GPC5: variants seen among roughly 807,000 people sequenced by gnomAD.
The protein encoded by GPC5 is glypican-5.
In GPC5, 47 loss-of-function variants were observed where a neutral mutation model predicts 53.9. The ratio of observed to expected loss-of-function variants is 0.87; its 90% CI spans 0.69 to 1.11. The LOEUF is 1.11. Among genes scored for constraint, GPC5 ranks in the 50% most tolerant of loss-of-function variants. The probability of loss-of-function intolerance (pLI) is 0.00; values close to 1 mark genes in which losing one functional copy is unlikely to be tolerated. For missense variants in GPC5, 748 were observed against 713.1 expected, an observed-to-expected ratio of 1.05 and a Z score of -0.56; for synonymous variants, 286 against 263.3, an observed-to-expected ratio of 1.09 and a Z score of -0.84.
intron 2 of GPC5, among the ~76,000 whole-genome samples, chr13:91,665,979 CT>C (rs2035102734): frequency 6.6e-6 from 1 of 152,214 alleles, no homozygotes; most frequent in African/African-American, 2.4e-5. Context: ...TCTCTAATCT[CT>C]TTACCATCTC....
At chr13:91,593,820 T>C (rs1485457052) in intron 2 of GPC5, among the ~76,000 whole-genome samples, 1 of 151,908 alleles carries the variant, frequency 6.6e-6, no homozygotes, top group Non-Finnish European at 1.5e-5. Context: ...CCTATGAATA[T>C]CCCTCAATAA....
chr13:91,738,487 A>G (rs2036861233), intron 4 of GPC5, among the ~76,000 whole-genome samples: 2 of 151,252 alleles, frequency 1.3e-5, no homozygotes, highest in South Asian at 4.1e-4. Context: ...TCATTGGAAT[A>G]TTTAATCCTT....
intron 7 of GPC5, among the ~76,000 whole-genome samples, chr13:92,277,515 C>T (rs1159161391): frequency 4.6e-5 from 7 of 151,918 alleles, no homozygotes; most frequent in Non-Finnish European, 1.0e-4. Flanking sequence ...TACCCAAGTG[C>T]AGAAAACATC....
intron 2 of GPC5, among the ~76,000 whole-genome samples, chr13:91,589,325 C>T (rs373315904): frequency 8.6e-5 from 13 of 151,986 alleles, no homozygotes; most frequent in South Asian, 8.3e-4. Flanking sequence ...CCTTTTCTTC[C>T]GTACTTTTTT....
chr13:91,424,222 C>T (rs761103536), intron 1 of GPC5, among the ~76,000 whole-genome samples: 16 of 151,046 alleles, frequency 1.1e-4, no homozygotes, highest in Admixed American at 9.9e-4. Flanking sequence ...TGAGGATTTA[C>T]GGGATCCTGG....
chr13:92,505,674 T>C (rs1475319512), intron 7 of GPC5, among the ~76,000 whole-genome samples: 1 of 152,116 alleles, frequency 6.6e-6, no homozygotes, highest in African/African-American at 2.4e-5. Flanking sequence ...ATAGCAGTTC[T>C]CTTCATAATT....
intron 7 of GPC5, among the ~76,000 whole-genome samples, chr13:92,548,381 A>T (rs1882198768): frequency 6.6e-6 from 1 of 151,372 alleles, no homozygotes; most frequent in African/African-American, 2.4e-5. Flanking sequence ...GTATATTAAA[A>T]ATATAAATTA....
intron 7 of GPC5, among the ~76,000 whole-genome samples, chr13:92,750,163 A>G (rs1397555923): frequency 6.6e-6 from 1 of 152,076 alleles, no homozygotes; most frequent in Non-Finnish European, 1.5e-5. Flanking sequence ...TTTTTCTCAC[A>G]CTGTGTGAGA....
chr13:92,285,768 G>C (rs1201224197), intron 7 of GPC5, among the ~76,000 whole-genome samples: 1 of 152,114 alleles, frequency 6.6e-6, no homozygotes, highest in Non-Finnish European at 1.5e-5. Context: ...TTAAATGTTA[G>C]ACCTAAAACC....
intron 3 of GPC5, among the ~76,000 whole-genome samples, chr13:91,721,095 TTCTTTCTTTCTTTCTTTCTTTCTTTC>T (rs1225994471): frequency 9.4e-6 from 1 of 106,846 alleles, no homozygotes; most frequent in Non-Finnish European, 2.1e-5. Context: ...CTTTCTTTCT[TTCTTTCTTTCTTTCTTTCTTTCTTTC>T]TTTCTTTCTT....
intron 6 of GPC5, among the ~76,000 whole-genome samples, chr13:92,025,355 C>A (rs1020839969): frequency 2.6e-5 from 4 of 152,122 alleles, no homozygotes; most frequent in Non-Finnish European, 4.4e-5. Flanking sequence ...CAAAACACTT[C>A]TGTGTACACA....
At chr13:92,841,314 G>A (rs966540625) in intron 7 of GPC5, among the ~76,000 whole-genome samples, 45 of 152,208 alleles carry the variant, frequency 3.0e-4, no homozygotes, top group African/African-American at 1.0e-3. Context: ...GCAATTTAAC[G>A]ATAGAAGAAA....
At chr13:92,273,993 G>A (rs1156809149) in intron 7 of GPC5, among the ~76,000 whole-genome samples, 1 of 152,076 alleles carries the variant, frequency 6.6e-6, no homozygotes, top group Admixed American at 6.6e-5. Context: ...CTCTTTAATT[G>A]ACTAGTTTCT....
chr13:92,729,356 G>T (rs1454335986), intron 7 of GPC5, among the ~76,000 whole-genome samples: 2 of 151,354 alleles, frequency 1.3e-5, no homozygotes, highest in African/African-American at 4.8e-5. Flanking sequence ...CATTTGTAAT[G>T]TAATTAGTAG....
intron 5 of GPC5, among the ~76,000 whole-genome samples, chr13:91,872,353 A>G (rs1006150847): frequency 5.9e-5 from 9 of 152,214 alleles, no homozygotes; most frequent in African/African-American, 2.2e-4. Flanking sequence ...AAAATAAAAT[A>G]TAACTTATAA....
At chr13:92,846,532 T>C (rs1358080420) in intron 7 of GPC5, among the ~76,000 whole-genome samples, 1 of 152,238 alleles carries the variant, frequency 6.6e-6, no homozygotes, top group Non-Finnish European at 1.5e-5. Context: ...CAATCACTGC[T>C]GTATTTATGC....
At chr13:91,783,559 G>A (rs2037831215) in intron 5 of GPC5, among the ~76,000 whole-genome samples, 1 of 152,038 alleles carries the variant, frequency 6.6e-6, no homozygotes, top group Non-Finnish European at 1.5e-5. Context: ...TCAGCCTCCT[G>A]AGTAACTGGG....
Position 92,853,858 on chromosome 13 carries a change from G to A in GPC5, c.1562-12424G>A, listed in dbSNP as rs150842701. On this transcript the variant is annotated intron_variant, in intron 7 of 7. Transcript: ENST00000377067. ...CCAGCACAGAATATCCAATAGTGCCGCATCAAAGGACATCATGATAAAATT... is the reference window on the plus strand; with the variant it reads ...CCAGCACAGAATATCCAATAGTGCCACATCAAAGGACATCATGATAAAATT... 8.5e-4 allele frequency among the ~76,000 whole-genome samples: 129 copies of A among 152,146 alleles called. 1 individual carries two copies. The highest frequency in any genetic ancestry group is 1.4e-3 in the Admixed American group (21 of 15,272).
chr13:91,454,882 C>T lies in GPC5; in HGVS notation c.325+5960C>T, dbSNP rs1594110874. On this transcript the variant is annotated intron_variant, in intron 2 of 7. Coordinates refer to ENST00000377067, the MANE Select transcript of GPC5 (RefSeq NM_004466.6). ...TCAAATAATCCTCCAACCTCAGCCT[C>T]CTGAGCTGGGACTACAGCCATGCTT... is the stretch of plus-strand genomic sequence containing the variant. Among the ~76,000 whole-genome samples the T allele has an allele frequency of 2.6e-5, 4 of 152,192 alleles. No individual in the cohort carries two copies. In the South Asian group the frequency reaches 8.3e-4, roughly 32 times the overall value.
Sources: gnomAD v4.1 joint callset for allele counts (sites outside exome capture counted in the v4.1 genomes callset) on GRCh38, gnomAD v4.1.1 for gene constraint, MANE v1.5 for transcripts, NCBI Gene and HGNC (gene_info 2026-07-23, HGNC 2026-07-21) for gene names.